DENND4C: variants seen among roughly 807,000 people sequenced by gnomAD.
DENND4C encodes DENN domain-containing protein 4C.
A neutral mutation model predicts 203.0 loss-of-function variants in DENND4C; 108 were observed. The ratio of observed to expected loss-of-function variants is 0.53; its 90% CI spans 0.46 to 0.62. DENND4C has a LOEUF of 0.62. Among genes scored for constraint, DENND4C ranks in the 20% least tolerant of loss-of-function variants. The pLI, the probability that DENND4C is intolerant of heterozygous loss-of-function variation, is 0.00. For missense variants in DENND4C, 2,481 were observed against 2,301.2 expected (o/e 1.08, Z -1.60); for synonymous variants, 871 against 792.4 (o/e 1.10, Z -1.67).
At chr9:19,231,745 T>G (rs1316569357) in intron 1 of DENND4C, among the ~76,000 whole-genome samples, 2 of 152,006 alleles carry the variant, frequency 1.3e-5, no homozygotes, top group East Asian at 3.9e-4. Flanking sequence ...TTTCCAGTAG[T>G]GAACCCTCAG....
At chr9:19,243,209 C>T (rs1297886430) in intron 1 of DENND4C, among the ~76,000 whole-genome samples, 1 of 152,126 alleles carries the variant, frequency 6.6e-6, no homozygotes, top group Non-Finnish European at 1.5e-5. Context: ...TATAGATTTA[C>T]CTATTTTGGA....
intron 16 of DENND4C, among the ~76,000 whole-genome samples, chr9:19,328,704 T>A (rs7018974): frequency 0.021 from 3,213 of 152,040 alleles, 125 homozygotes; most frequent in African/African-American, 0.073. Flanking sequence ...TCTGTCTATC[T>A]ATCAATCAAG....
At chr9:19,241,576 C>G (rs1417799470) in intron 1 of DENND4C, among the ~76,000 whole-genome samples, 1 of 150,594 alleles carries the variant, frequency 6.6e-6, no homozygotes, top group Admixed American at 6.7e-5. Flanking sequence ...ACACATTAGT[C>G]TAGGGCCCAC....
In DENND4C at chr9:19,352,172, G is replaced by C; in HGVS notation, c.4595G>C (p.Cys1532Ser). ...AGCATGTCTAGCATCTATCAGAATT[G>C]TGCAATGGAGGTAAAAGTTCTATAT... is the stretch of plus-strand genomic sequence containing the variant. ...NTSMSSIYQN[C>S]AMEVLMSSCS... Residue 1532 changes from cysteine to serine, a missense_variant, in exon 25 of 33, where the codon TGT becomes TCT. Physicochemically the swap from Cys to Ser is moderately radical, Grantham distance 112 (BLOSUM62 -1). This residue lies in a region of DENND4C where 2,289 missense variants were observed against 2,113.3 expected (regional missense o/e 1.08). Transcript: ENST00000434457. 6.2e-7 allele frequency: 1 copy of C among 1,613,288 alleles called. No homozygotes were observed.
chr9:19,306,134 A>C (rs78712873), intron 10 of DENND4C, among the ~76,000 whole-genome samples: 5,540 of 152,270 alleles, frequency 0.036, 332 homozygotes, highest in African/African-American at 0.13. Context: ...AAGGGTTACC[A>C]CTTCCCCACC....
chr9:19,306,588 G>T (rs1189252692), intron 10 of DENND4C, among the ~76,000 whole-genome samples: 2 of 151,936 alleles, frequency 1.3e-5, no homozygotes, highest in Admixed American at 6.6e-5. Context: ...ATGATTATTT[G>T]TGAAGTTAAT....
At chr9:19,336,972 A>G in intron 20 of DENND4C, 140 bp downstream of exon 20, 1 of 823,858 alleles carries the variant, frequency 1.2e-6, no homozygotes, top group South Asian at 2.0e-5. Context: ...AAACAATACG[A>G]GTCTGCAGAT....
At chr9:19,255,416 AT>A (rs35155410) in intron 1 of DENND4C, among the ~76,000 whole-genome samples, 126,958 of 150,358 alleles carry the variant, frequency 0.84, 53,808 homozygotes, top group Admixed American at 0.89. Flanking sequence ...AAAAAAAAAA[AT>A]TTTTTTTTAA....
At chr9:19,236,785 G>A (rs939995363) in intron 1 of DENND4C, among the ~76,000 whole-genome samples, 7 of 152,250 alleles carry the variant, frequency 4.6e-5, no homozygotes, top group African/African-American at 1.7e-4. Flanking sequence ...TGCCCACTGT[G>A]TACCTGCCAC....
intron 12 of DENND4C, among the ~76,000 whole-genome samples, chr9:19,318,000 T>C (rs544598895): frequency 6.6e-6 from 1 of 152,332 alleles, no homozygotes; most frequent in African/African-American, 2.4e-5. Context: ...TACTTTGTTA[T>C]TTATAAAGTC....
intron 22 of DENND4C, among the ~76,000 whole-genome samples, chr9:19,342,980 G>A (rs1416570773): frequency 6.6e-6 from 1 of 152,154 alleles, no homozygotes; most frequent in African/African-American, 2.4e-5. Flanking sequence ...GGAGTATTTA[G>A]TGTGTTTGTT....
At chr9:19,252,297 A>G (rs1018819320) in intron 1 of DENND4C, among the ~76,000 whole-genome samples, 10 of 152,174 alleles carry the variant, frequency 6.6e-5, no homozygotes, top group African/African-American at 1.7e-4. Flanking sequence ...AGCATGGGAA[A>G]GACCCTCCCC....
At position 19,336,323 on chromosome 9, in the gene DENND4C, G is replaced by C. The variant is rs1447491451; in HGVS notation, c.2643G>C (p.Trp881Cys). The change falls in exon 19 of 33, where the codon TGG (tryptophan) becomes TGC (cysteine). Residue 881 changes from tryptophan to cysteine, a missense_variant. Physicochemically the swap from Trp to Cys is radical, Grantham distance 215 (BLOSUM62 -2). Coordinates refer to ENST00000434457, the MANE Select transcript of DENND4C (RefSeq NM_001330640.2). ...GTACCCGCAGTGGTATTTTCTTATG[G>C]ACGAAGGTACGGAATGTGGTACGTG... The part of the protein sequence containing the change: ...PSSTRSGIFL[W>C]TKVRNVVRGL... The C allele has an allele frequency of 6.2e-7, 1 of 1,613,934 alleles. No homozygotes were observed. Among genetic ancestry groups the C allele is most frequent in the African/African-American group, 1.3e-5 (1 of 74,890 alleles).
At chr9:19,351,774 T>C (rs1824178837) in intron 24 of DENND4C, among the ~76,000 whole-genome samples, 1 of 147,758 alleles carries the variant, frequency 6.8e-6, no homozygotes, top group African/African-American at 2.6e-5. Flanking sequence ...ACCACTGCAC[T>C]CTAGCCTGGG....
intron 1 of DENND4C, among the ~76,000 whole-genome samples, chr9:19,256,309 G>GTTTTTTTTTTT (rs1165191635): frequency 4.0e-4 from 34 of 84,818 alleles, no homozygotes; most frequent in East Asian, 6.6e-4. Context: ...TTTTTTTTTT[G>GTTTTTTTTTTT]TTTTTTTTTT....
intron 16 of DENND4C, among the ~76,000 whole-genome samples, chr9:19,330,346 T>TTG (rs1168837994): frequency 6.8e-6 from 1 of 148,076 alleles, no homozygotes; most frequent in Non-Finnish European, 1.5e-5. Context: ...TTTTTTTTTT[T>TTG]TTTTTTTTTT....
chr9:19,231,185 G>C (rs1204909859), intron 1 of DENND4C, among the ~76,000 whole-genome samples: 1 of 152,246 alleles, frequency 6.6e-6, no homozygotes, highest in African/African-American at 2.4e-5. Flanking sequence ...GGCCGCTTTG[G>C]TGGGGGCCGG....
intron 1 of DENND4C, among the ~76,000 whole-genome samples, chr9:19,273,913 C>G (rs1223615910): frequency 1.3e-5 from 2 of 151,862 alleles, no homozygotes; most frequent in Non-Finnish European, 2.9e-5. Flanking sequence ...AGGAATTTAC[C>G]CAAGACAAAT....
At chr9:19,289,779 A>C (rs1301708226) in intron 4 of DENND4C, among the ~76,000 whole-genome samples, 2 of 149,922 alleles carry the variant, frequency 1.3e-5, no homozygotes, top group Non-Finnish European at 3.0e-5. Flanking sequence ...CAGTGAGCCG[A>C]GATCACACCA....
Sources: allele counts gnomAD v4.1 joint callset (sites outside exome capture counted in the v4.1 genomes callset), GRCh38; gene constraint gnomAD v4.1.1; regional missense constraint gnomAD v4.1.1; transcripts MANE v1.5; gene names NCBI Gene and HGNC (gene_info 2026-07-23, HGNC 2026-07-21).